The following OR51B5 variants were observed in gnomAD, a reference collection of about 807,000 sequenced individuals.
OR51B5 encodes the protein olfactory receptor 51B5.
For missense variants in OR51B5, 456 were observed against 374.6 expected (o/e 1.22, Z -1.79); for synonymous variants, 186 against 144.8 (o/e 1.28, Z -2.04).
chr11:5,356,837 A>AG (rs1348927946), intron 1 of OR51B5, among the ~76,000 whole-genome samples: 3 of 128,326 alleles, frequency 2.3e-5, no homozygotes, highest in Non-Finnish European at 5.2e-5. Flanking sequence ...TCCTTAAAGG[A>AG]AAGAATTTTC....
chr11:5,347,796 G>A (rs1849015527), upstream of OR51B5, among the ~76,000 whole-genome samples: 1 of 152,000 alleles, frequency 6.6e-6, no homozygotes, highest in Non-Finnish European at 1.5e-5. Flanking sequence ...AGAGGAGGGA[G>A]CAGAAGAGGG....
At chr11:5,409,449 G>T (rs1328974077) in intron 1 of OR51B5, among the ~76,000 whole-genome samples, 2 of 151,908 alleles carry the variant, frequency 1.3e-5, no homozygotes, top group Admixed American at 6.6e-5. Flanking sequence ...TGAAATAATG[G>T]AAAAATTCAC....
At chr11:5,492,255 C>A (rs1416621590) in intron 1 of OR51B5, among the ~76,000 whole-genome samples, 1 of 152,068 alleles carries the variant, frequency 6.6e-6, no homozygotes, top group African/African-American at 2.4e-5. Context: ...CACTCACTCA[C>A]ACACATTTTC....
chr11:5,413,039 G>A (rs1365562949), intron 1 of OR51B5, among the ~76,000 whole-genome samples: 1 of 47,396 alleles, frequency 2.1e-5, no homozygotes. Context: ...GCACCCCCCA[G>A]TAGGGCAGAC....
At chr11:5,384,168 G>A (rs7936740) in intron 1 of OR51B5, among the ~76,000 whole-genome samples, 48 of 151,960 alleles carry the variant, frequency 3.2e-4, no homozygotes, top group African/African-American at 1.1e-3. Context: ...TTCTTTTGTT[G>A]TTGTTTCTTT....
At chr11:5,452,287 G>A (rs986398720) in intron 1 of OR51B5, among the ~76,000 whole-genome samples, 6 of 152,084 alleles carry the variant, frequency 3.9e-5, no homozygotes, top group South Asian at 2.1e-4. Context: ...GGCGGATCAC[G>A]AGGTCAGGAG....
At chr11:5,365,739 A>ATAGAT (rs1318651592) in intron 1 of OR51B5, among the ~76,000 whole-genome samples, 2 of 152,212 alleles carry the variant, frequency 1.3e-5, no homozygotes, top group African/African-American at 4.8e-5. Context: ...TATTTAAAAA[A>ATAGAT]TAGATATAAG....
At chr11:5,433,156 G>A (rs1232204968) in intron 1 of OR51B5, among the ~76,000 whole-genome samples, 1 of 152,102 alleles carries the variant, frequency 6.6e-6, no homozygotes, top group Non-Finnish European at 1.5e-5. Flanking sequence ...AGATGTAGTG[G>A]CTTCTAAAAG....
At chr11:5,478,149 A>T (rs11529358) in intron 1 of OR51B5, among the ~76,000 whole-genome samples, 18,222 of 151,086 alleles carry the variant, frequency 0.12, 1,328 homozygotes, top group Admixed American at 0.17. Flanking sequence ...TCTCCCAGCA[A>T]GCAGCTGGAG....
intron 1 of OR51B5, among the ~76,000 whole-genome samples, chr11:5,464,263 A>T (rs1049986050): frequency 2.6e-5 from 4 of 152,236 alleles, no homozygotes; most frequent in African/African-American, 9.6e-5. Context: ...TTAACACAAA[A>T]ATCTGAGAAT....
intron 1 of OR51B5, among the ~76,000 whole-genome samples, chr11:5,349,353 CCATACATTTGTTT>C (rs1488332374): frequency 2.0e-5 from 3 of 152,056 alleles, no homozygotes; most frequent in Non-Finnish European, 4.4e-5. Context: ...ATTATTTGTT[CCATACATTTGTTT>C]CTCAGCTTTA....
chr11:5,485,240 A>G (rs2244431), intron 1 of OR51B5, among the ~76,000 whole-genome samples: 18,623 of 152,230 alleles, frequency 0.12, 1,234 homozygotes, highest in East Asian at 0.21. Context: ...ACCAAAGCAC[A>G]TATGACATAA....
At chr11:5,392,191 G>A (rs913083297) in intron 1 of OR51B5, 1 of 152,218 alleles carries the variant, frequency 6.6e-6, no homozygotes, top group African/African-American at 2.4e-5. Context: ...GTATGTGTGG[G>A]TGTTATCAGA....
chr11:5,347,296 T>C (rs1849008249), upstream of OR51B5, among the ~76,000 whole-genome samples: 1 of 152,164 alleles, frequency 6.6e-6, no homozygotes, highest in African/African-American at 2.4e-5. Flanking sequence ...TCTACTATAT[T>C]TCCTGCTTGG....
intron 1 of OR51B5, among the ~76,000 whole-genome samples, chr11:5,465,892 G>A (rs1564822619): frequency 1.3e-5 from 2 of 151,308 alleles, no homozygotes; most frequent in Admixed American, 1.3e-4. Flanking sequence ...CAGGACACAG[G>A]CATGGGCAAG....
At chr11:5,454,859 A>G (rs896718476) in intron 1 of OR51B5, 2 of 155,868 alleles carry the variant, frequency 1.3e-5, no homozygotes, top group Admixed American at 1.3e-4. Context: ...CCTAACACAG[A>G]TAATATGTGG....
upstream of OR51B5, among the ~76,000 whole-genome samples, chr11:5,345,452 A>T (rs952189828): frequency 2.0e-5 from 3 of 152,152 alleles, no homozygotes; most frequent in African/African-American, 7.2e-5. Context: ...TAAAAATGGG[A>T]GTGAGGGAAA....
At chr11:5,428,464 T>C (rs1298615481) in intron 1 of OR51B5, among the ~76,000 whole-genome samples, 1 of 152,164 alleles carries the variant, frequency 6.6e-6, no homozygotes, top group East Asian at 1.9e-4. Context: ...TTGCTCAACA[T>C]AGGGTTATTA....
intron 1 of OR51B5, among the ~76,000 whole-genome samples, chr11:5,367,111 C>G (rs1356939083): frequency 1.3e-5 from 2 of 152,192 alleles, no homozygotes; most frequent in Non-Finnish European, 2.9e-5. Flanking sequence ...GAAGCTCTGC[C>G]ACACATACAC....
Sources: gnomAD v4.1 joint callset for allele counts (sites outside exome capture counted in the v4.1 genomes callset) on GRCh38, gnomAD v4.1.1 for gene constraint, MANE v1.5 for transcripts, NCBI Gene and HGNC (gene_info 2026-07-23, HGNC 2026-07-21) for gene names.